TEX15: variants seen among roughly 807,000 people sequenced by gnomAD.
TEX15 encodes testis-expressed protein 15.
In TEX15, 171 loss-of-function variants were observed where a neutral mutation model predicts 237.3. The observed-to-expected ratio is 0.72, with a 90% CI of 0.64 to 0.82. The LOEUF (loss-of-function observed/expected upper bound fraction) is 0.82. TEX15 is among the 40% of genes least tolerant of loss of function. The pLI, the probability that TEX15 is intolerant of heterozygous loss-of-function variation, is 0.00. For missense variants in TEX15, 3,750 were observed against 3,646.5 expected, an observed-to-expected ratio of 1.03 and a Z score of -0.73; for synonymous variants, 1,338 against 1,269.8, an observed-to-expected ratio of 1.05 and a Z score of -1.14.
chr8:30,896,434 C>A (rs1231155870), intron 2 of TEX15, among the ~76,000 whole-genome samples: 1 of 152,108 alleles, frequency 6.6e-6, no homozygotes, highest in Non-Finnish European at 1.5e-5. Context: ...GATGAACCAT[C>A]TATTCAGTCC....
Position 30,843,505 on chromosome 8 carries a change from AC to A in TEX15, c.6661del (p.Val2221TyrfsTer22). ...ATGAACTTTAGGAGAGTCCCCACAT[AC>A]ATTGATCAACTTTAAAGTACTTTTT... is the stretch of plus-strand genomic sequence containing the variant. ...LRKSTLKLINVCGDSPKVHSY... is the reference protein window; with the variant it reads ...LRKSTLKLINXCGDSPKVHSY... On this transcript the variant is annotated frameshift_variant, in exon 8 of 11. Transcript: ENST00000643185. LOFTEE classifies it high-confidence loss of function. 6.2e-7 allele frequency: 1 copy of A among 1,613,088 alleles called. No homozygotes were observed. The highest frequency in any genetic ancestry group is 1.1e-5 in the South Asian group (1 of 90,986).
chr8:30,846,306 A>G lies in TEX15; in HGVS notation c.3861T>C (p.Asn1287=). The G allele has an allele frequency of 6.2e-7, 1 of 1,612,930 alleles. No homozygotes were observed. The highest frequency in any genetic ancestry group is 8.5e-7 in the Non-Finnish European group (1 of 1,179,598). ...CTACCTCCTTTTTATTTTTGGTATC[A>G]TTATAGTCAGTTTTTGATTTTGTAA... ...CFFTKSKTDY[N]DTKNKKEVES... is the part of the protein sequence containing the mutation. Residue 1287 remains asparagine, a synonymous_variant, in exon 8 of 11, where the codon AAT becomes AAC. Coordinates refer to ENST00000643185, the MANE Select transcript of TEX15 (RefSeq NM_001350162.2).
At chr8:30,877,016 T>C (rs1808413457) in intron 3 of TEX15, among the ~76,000 whole-genome samples, 1 of 152,164 alleles carries the variant, frequency 6.6e-6, no homozygotes, top group African/African-American at 2.4e-5. Flanking sequence ...TCTGCCATGA[T>C]TGTAAGTTTC....
chr8:30,853,488 AT>A (rs552729317), intron 7 of TEX15, among the ~76,000 whole-genome samples: 72 of 152,348 alleles, frequency 4.7e-4, no homozygotes, highest in Admixed American at 4.6e-3. Flanking sequence ...ACAATAAAAA[AT>A]AATACAAATA....
At chr8:30,864,450 T>C (rs1808114420) in intron 5 of TEX15, among the ~76,000 whole-genome samples, 1 of 150,670 alleles carries the variant, frequency 6.6e-6, no homozygotes, top group Non-Finnish European at 1.5e-5. Context: ...GACATATATA[T>C]AAACATCTAA....
chr8:30,874,200 T>C (rs192549376), intron 4 of TEX15, among the ~76,000 whole-genome samples: 2 of 152,250 alleles, frequency 1.3e-5, no homozygotes, highest in East Asian at 3.9e-4. Context: ...TCAAGAGGAA[T>C]CAATTCTAAA....
intron 7 of TEX15, among the ~76,000 whole-genome samples, chr8:30,856,146 T>C (rs1807906885): frequency 6.6e-6 from 1 of 151,146 alleles, no homozygotes; most frequent in South Asian, 2.1e-4. Context: ...GGGTTTCACC[T>C]TGTTGGCCAG....
In TEX15 at chr8:30,832,934, T is replaced by A. The variant is rs147482481; in HGVS notation, c.*352A>T. The A allele has an allele frequency of 1.6e-3, 267 of 162,546 alleles. 2 individuals are homozygous for A. The highest frequency in any genetic ancestry group is 6.1e-3 in the African/African-American group (255 of 42,026). The allele number at this position is 162,546 out of a possible 1,614,324, so 10.1% of individuals were successfully genotyped here. A position where few individuals can be genotyped will look rare whatever the true frequency, so the allele number is the denominator to read the frequency against. ...ATTATAAAATTCTTGGTTTGATGACTAATGAAAAAAAATCCTGCTTTCAGC... is the reference window on the plus strand; with the variant it reads ...ATTATAAAATTCTTGGTTTGATGACAAATGAAAAAAAATCCTGCTTTCAGC... On this transcript the variant is annotated 3_prime_UTR_variant, in exon 11 of 11. Transcript: ENST00000643185.
chr8:30,882,126 AC>A (rs1808538854), intron 3 of TEX15, among the ~76,000 whole-genome samples: 1 of 152,124 alleles, frequency 6.6e-6, no homozygotes, highest in Admixed American at 6.5e-5. Flanking sequence ...TGTGTTATTT[AC>A]CTTACTTTTT....
chr8:30,858,430 G>A (rs1807960149), intron 7 of TEX15, among the ~76,000 whole-genome samples: 1 of 151,762 alleles, frequency 6.6e-6, no homozygotes, highest in Admixed American at 6.6e-5. Flanking sequence ...TCCTTCCTCA[G>A]CCACCTGTGT....
At position 30,860,057 on chromosome 8, in the gene TEX15, C is replaced by G; in HGVS notation, c.541G>C (p.Val181Leu). 1 of 1,438,310 alleles carries G rather than the reference C, an allele frequency of 7.0e-7. No individual in the cohort carries two copies. The highest frequency in any genetic ancestry group is 9.1e-7 in the Non-Finnish European group (1 of 1,104,042). 89.1% of individuals were successfully genotyped at this position (1,438,310 alleles called of 1,614,324 possible). ...ITVESILIFK[V>L]LFGKVKKIQP... is the part of the protein sequence containing the mutation. ...ATTTTCTTCACTTTTCCAAAGAGAACCTAAAAAAAAAAAAGCCAAAAAAAA... is the reference window on the plus strand; with the variant it reads ...ATTTTCTTCACTTTTCCAAAGAGAAGCTAAAAAAAAAAAAGCCAAAAAAAA... The change falls in exon 6 of 11, where the codon GTT becomes CTT. Residue 181 changes from valine (V) to leucine (L), a missense_variant and splice_region_variant. By Grantham distance (32) the Val-to-Leu change is conservative. Transcript: ENST00000643185.
chr8:30,905,264 CA>C (rs34972353), intron 1 of TEX15, among the ~76,000 whole-genome samples: 33,061 of 104,130 alleles, frequency 0.32, 3,722 homozygotes, highest in African/African-American at 0.41. Context: ...AAAAAGACTT[CA>C]AAAAAAAAAA....
chr8:30,839,749 T>C (rs889517577), intron 9 of TEX15, among the ~76,000 whole-genome samples, 157 bp downstream of exon 9: 2 of 152,324 alleles, frequency 1.3e-5, no homozygotes, highest in Middle Eastern at 3.4e-3. Context: ...AACTGTATAA[T>C]TTCAAACAAA....
chr8:30,857,240 T>G (rs1045812571), intron 7 of TEX15, among the ~76,000 whole-genome samples: 1 of 152,118 alleles, frequency 6.6e-6, no homozygotes, highest in Non-Finnish European at 1.5e-5. Context: ...GGTTAGCACA[T>G]GTAAACTAAA....
At chr8:30,900,744 G>C (rs1261741295) in intron 1 of TEX15, among the ~76,000 whole-genome samples, 1 of 152,114 alleles carries the variant, frequency 6.6e-6, no homozygotes, top group African/African-American at 2.4e-5. Context: ...CCCTGCAATA[G>C]GAAAAAGAAA....
intron 7 of TEX15, among the ~76,000 whole-genome samples, chr8:30,852,190 C>T (rs1241663159): frequency 3.5e-5 from 5 of 143,424 alleles, no homozygotes; most frequent in Non-Finnish European, 6.0e-5. Flanking sequence ...CTACAAACTC[C>T]GCCTCCCGGG....
At chr8:30,904,903 A>G (rs1809069480) in intron 1 of TEX15, among the ~76,000 whole-genome samples, 1 of 152,214 alleles carries the variant, frequency 6.6e-6, no homozygotes, top group South Asian at 2.1e-4. Flanking sequence ...TAATACTGTA[A>G]TGGAGTTATG....
intron 1 of TEX15, among the ~76,000 whole-genome samples, chr8:30,903,439 T>G (rs1809042628): frequency 6.6e-6 from 1 of 152,120 alleles, no homozygotes; most frequent in South Asian, 2.1e-4. Flanking sequence ...ACAAACAGAT[T>G]GAGTTCCACA....
intron 3 of TEX15, among the ~76,000 whole-genome samples, chr8:30,878,379 CTTAT>C (rs1053454626): frequency 4.6e-5 from 7 of 151,608 alleles, no homozygotes; most frequent in Admixed American, 3.9e-4. Flanking sequence ...CAGTTGCATG[CTTAT>C]TTATTTATTT....
Sources: allele counts gnomAD v4.1 joint callset (sites outside exome capture counted in the v4.1 genomes callset), GRCh38; gene constraint gnomAD v4.1.1; transcripts MANE v1.5; gene names NCBI Gene and HGNC (gene_info 2026-07-23, HGNC 2026-07-21).